MDGA1: variants seen among roughly 807,000 people sequenced by gnomAD.
MDGA1 encodes the protein MAM domain containing glycosylphosphatidylinositol anchor 1.
A neutral mutation model predicts 101.5 loss-of-function variants in MDGA1; 54 were observed. The observed-to-expected ratio is 0.53, with a 90% confidence interval of 0.43 to 0.67. The LOEUF (loss-of-function observed/expected upper bound fraction) is 0.67, where lower values mean the gene tolerates loss of function less well. Among genes scored for constraint, MDGA1 ranks in the 30% least tolerant of loss-of-function variants. The pLI is 0.00. For synonymous variants in MDGA1, 533 were observed against 558.3 expected (o/e 0.95, Z 0.64); for missense variants, 1,083 against 1,323.8 (o/e 0.82, Z 2.82).
intron 14 of MDGA1, among the ~76,000 whole-genome samples, chr6:37,640,452 C>T (rs1051030180): frequency 9.9e-5 from 15 of 151,992 alleles, no homozygotes; most frequent in African/African-American, 3.6e-4. Context: ...AATCCTCCCA[C>T]CTCAGCCTCC....
intron 1 of MDGA1, among the ~76,000 whole-genome samples, chr6:37,681,273 G>A (rs1282718067): frequency 1.3e-5 from 2 of 152,098 alleles, no homozygotes; most frequent in Non-Finnish European, 1.5e-5. Context: ...TAGATCAATC[G>A]AGGCCAGGAA....
In MDGA1 at chr6:37,655,875, G is replaced by A. The variant is rs1170743112; in HGVS notation, c.404C>T (p.Thr135Met). The A allele has an allele frequency of 1.6e-5, 25 of 1,612,718 alleles. No individual in the cohort carries two copies. The highest frequency in any genetic ancestry group is 1.7e-4 in the Middle Eastern group (1 of 5,984). Residue 135 changes from threonine (T) to methionine (M), a missense_variant, in exon 4 of 17, where the codon ACG (threonine) becomes ATG (methionine). Physicochemically the swap from Thr to Met is moderately conservative, Grantham distance 81. This residue lies in a region of MDGA1 where 310 missense variants were observed against 355.9 expected (regional missense o/e 0.87). Transcript: ENST00000434837. The surrounding 1 kb of genome is among the most constrained non-coding windows in gnomAD (Gnocchi z 5.1). ...DVQYLDEPML[T>M]VHQTVSDVRG... The stretch of plus-strand genomic sequence containing the variant: ...CACATCGCTCACCGTCTGGTGCACC[G>A]TCAGCATTGGCTCATCCAGGTCTGC...
At chr6:37,666,015 T>C (rs1761742069) in intron 1 of MDGA1, among the ~76,000 whole-genome samples, 1 of 152,122 alleles carries the variant, frequency 6.6e-6, no homozygotes, top group Admixed American at 6.6e-5. Flanking sequence ...TCCCAGCCTA[T>C]TAGGATGGCT....
intron 5 of MDGA1, 31 bp downstream of exon 5, chr6:37,654,769 G>A: frequency 6.2e-7 from 1 of 1,612,902 alleles, no homozygotes. Context: ...GCTCAGGTAG[G>A]GAAGGAGTAT....
In MDGA1 at chr6:37,650,296, G is replaced by C. The variant is rs969169736; in HGVS notation, c.1422C>G (p.Leu474=). 5.0e-6 allele frequency: 8 copies of C among 1,601,678 alleles called. No homozygotes were observed. The Admixed American group carries it at 1.2e-4, about 24-fold the overall frequency. ...EVRGKPRPPV[L]WSRVDKEAAL... is the part of the protein sequence containing the mutation. Reference sequence around the variant, plus strand: ...CAGCCTCCTTGTCCACGCGGGACCAGAGCACTGGCGGCCGCGGCTTGCCCC... The same window carrying C: ...CAGCCTCCTTGTCCACGCGGGACCACAGCACTGGCGGCCGCGGCTTGCCCC... Residue 474 remains leucine (L), a synonymous_variant, in exon 8 of 17, where the codon CTC becomes CTG. Transcript: ENST00000434837.
chr6:37,657,964 T>G (rs578262468), intron 3 of MDGA1, among the ~76,000 whole-genome samples: 152 of 152,344 alleles, frequency 1.0e-3, no homozygotes, highest in African/African-American at 3.5e-3. Context: ...GCAAATCACA[T>G]GGGACCTCAG....
intron 8 of MDGA1, chr6:37,649,857 G>A: frequency 2.9e-6 from 2 of 682,486 alleles, no homozygotes; most frequent in Non-Finnish European, 5.4e-6. Flanking sequence ...TTTCCACCTG[G>A]CAAAATCAAG....
rs745738148 is a variant in MDGA1 at position 37,649,281 on chromosome 6, G to T, written c.1610-15C>A. On this transcript the variant is annotated splice_polypyrimidine_tract_variant and intron_variant, in intron 8 of 16. Coordinates refer to ENST00000434837, the MANE Select transcript of MDGA1 (RefSeq NM_153487.4). ...CTCCGGCGGGACTGGGGGCGGGAGC[G>T]GCGGTCAGCGGGGCCTCTCCCCAGC... 1 of 1,468,020 alleles carries T rather than the reference G, an allele frequency of 6.8e-7. No homozygotes were observed. Among genetic ancestry groups the T allele is most frequent in the South Asian group, 1.4e-5 (1 of 73,644 alleles). The allele number at this position is 1,468,020 out of a possible 1,614,324, so 90.9% of individuals were successfully genotyped here. A position where few individuals can be genotyped will look rare whatever the true frequency, so the allele number is the denominator to read the frequency against.
intron 1 of MDGA1, among the ~76,000 whole-genome samples, chr6:37,675,862 C>G (rs1761967790): frequency 6.6e-6 from 1 of 152,210 alleles, no homozygotes; most frequent in South Asian, 2.1e-4. Context: ...TCCCTGGCAG[C>G]AGCCCAGGGT....
At position 37,637,260 on chromosome 6, in the gene MDGA1, G is replaced by T; in HGVS notation, c.*108C>A. On this transcript the variant is annotated 3_prime_UTR_variant, in exon 17 of 17. Transcript: ENST00000434837. Reference sequence around the variant, plus strand: ...CCAATGCAGGCCCCCTCCCTGGCGGGCCGGCCCTGCCCCTGGGCACCCCAG... The same window carrying T: ...CCAATGCAGGCCCCCTCCCTGGCGGTCCGGCCCTGCCCCTGGGCACCCCAG... 1 of 832,772 alleles carries T rather than the reference G, an allele frequency of 1.2e-6. No individual in the cohort carries two copies. Among genetic ancestry groups the T allele is most frequent in the Non-Finnish European group, 2.0e-6 (1 of 512,036 alleles). 51.6% of individuals were successfully genotyped at this position (832,772 alleles called of 1,614,324 possible). A position where few individuals can be genotyped will look rare whatever the true frequency, so the allele number is the denominator to read the frequency against.
intron 9 of MDGA1, among the ~76,000 whole-genome samples, chr6:37,647,648 G>C (rs751355145): frequency 2.0e-5 from 3 of 151,840 alleles, no homozygotes; most frequent in Non-Finnish European, 2.9e-5. Flanking sequence ...GGATATGAGG[G>C]AAGATGGGGA....
At chr6:37,695,599 C>T (rs532894353) in intron 1 of MDGA1, among the ~76,000 whole-genome samples, 1 of 152,308 alleles carries the variant, frequency 6.6e-6, no homozygotes, top group African/African-American at 2.4e-5. Flanking sequence ...TGGGTCAGCA[C>T]CCTCCAGGGT....
Position 37,652,288 on chromosome 6 carries a change from C to G in MDGA1, c.1035G>C (p.Glu345Asp), listed in dbSNP as rs1230278238. The change falls in exon 7 of 17, where the codon GAG becomes GAC. Residue 345 changes from glutamate (E) to aspartate (D), a missense_variant. By Grantham distance (45) the Glu-to-Asp change is conservative. Transcript: ENST00000434837. The surrounding 1 kb of genome is among the most constrained non-coding windows in gnomAD (Gnocchi z 4.3). ...QITPDVIKES[E>D]NIQLGQDLKL... The stretch of plus-strand genomic sequence containing the variant: ...TCAGGTCCTGGCCCAGCTGGATGTT[C>G]TCACTCTCTTTGATCACGTCAGGAG... 6.2e-7 allele frequency: 1 copy of G among 1,613,816 alleles called. No individual in the cohort carries two copies. Among genetic ancestry groups the G allele is most frequent in the Non-Finnish European group, 8.5e-7 (1 of 1,179,880 alleles).
In MDGA1 at chr6:37,631,573, A is replaced by G. The variant is rs1763824041; in HGVS notation, c.*5795T>C. The G allele has an allele frequency of 6.6e-6, 1 of 152,164 alleles. No individual in the cohort carries two copies. The highest frequency in any genetic ancestry group is 2.4e-5 in the African/African-American group (1 of 41,426). 9.4% of individuals were successfully genotyped at this position (152,164 alleles called of 1,614,324 possible). On this transcript the variant is annotated 3_prime_UTR_variant, in exon 17 of 17. Transcript: ENST00000434837. ...AGTAACCTGAAAGACACTTCCTGTC[A>G]TTTGCCTGATATGATGTAGTCCATA...
intron 1 of MDGA1, among the ~76,000 whole-genome samples, chr6:37,684,264 T>A (rs1397080426): frequency 6.6e-6 from 1 of 152,142 alleles, no homozygotes; most frequent in Admixed American, 6.5e-5. Flanking sequence ...CAACCTCCAG[T>A]TCACACTACC....
At chr6:37,692,372 G>A (rs993270978) in intron 1 of MDGA1, among the ~76,000 whole-genome samples, 1 of 152,034 alleles carries the variant, frequency 6.6e-6, no homozygotes, top group African/African-American at 2.4e-5. Context: ...GTCTTCACCG[G>A]GTGGGTCATC....
chr6:37,684,727 G>T (rs1418756553), intron 1 of MDGA1, among the ~76,000 whole-genome samples: 2 of 152,126 alleles, frequency 1.3e-5, no homozygotes, highest in African/African-American at 4.8e-5. Context: ...ATACCCTCGT[G>T]CCCCTCCTCA....
At chr6:37,687,659 A>G (rs927061908) in intron 1 of MDGA1, among the ~76,000 whole-genome samples, 3 of 152,008 alleles carry the variant, frequency 2.0e-5, no homozygotes, top group African/African-American at 7.2e-5. Flanking sequence ...TGTAATAGAG[A>G]CAGAGTCTCA....
In MDGA1 at chr6:37,633,352, A is replaced by G. The variant is rs542499567; in HGVS notation, c.*4016T>C. The G allele has an allele frequency of 7.3e-5, 11 of 151,490 alleles. No individual in the cohort carries two copies. The highest frequency in any genetic ancestry group is 2.4e-4 in the African/African-American group (10 of 41,162). 9.4% of individuals were successfully genotyped at this position (151,490 alleles called of 1,614,324 possible). ...AACCTCAGCCAGTGGCTCTGCAGGGACTCTCCAGAGCAAAGACCCTGGGAA... is the reference window on the plus strand; with the variant it reads ...AACCTCAGCCAGTGGCTCTGCAGGGGCTCTCCAGAGCAAAGACCCTGGGAA... On this transcript the variant is annotated 3_prime_UTR_variant, in exon 17 of 17. Transcript: ENST00000434837.
Sources: allele counts gnomAD v4.1 joint callset (sites outside exome capture counted in the v4.1 genomes callset), GRCh38; gene constraint gnomAD v4.1.1; regional missense constraint gnomAD v4.1.1; non-coding constraint Gnocchi (gnomAD v3.1); transcripts MANE v1.5; gene names NCBI Gene and HGNC (gene_info 2026-07-23, HGNC 2026-07-21).